PI4KB: variants seen among roughly 807,000 people sequenced by gnomAD.
PI4KB encodes phosphatidylinositol 4-kinase beta.
In PI4KB, 23 loss-of-function variants were observed where a neutral mutation model predicts 81.4. The ratio of observed to expected loss-of-function variants is 0.28; its 90% CI spans 0.20 to 0.40. The LOEUF (loss-of-function observed/expected upper bound fraction) is 0.40, where lower values mean the gene tolerates loss of function less well. Among genes scored for constraint, PI4KB ranks in the 10% least tolerant of loss-of-function variants. The pLI is 1.00. For synonymous variants in PI4KB, 381 were observed against 406.8 expected, an observed-to-expected ratio of 0.94 and a Z score of 0.76; for missense variants, 651 against 1,036.6, an observed-to-expected ratio of 0.63 and a Z score of 5.11.
intron 9 of PI4KB, 144 bp from the exon 10 acceptor site, chr1:151,294,685 G>T: frequency 1.5e-6 from 1 of 665,712 alleles, no homozygotes; most frequent in East Asian, 2.8e-5. Flanking sequence ...CCAATCTCCT[G>T]TCCAGTTTCC....
upstream of PI4KB, chr1:151,327,461 A>G: frequency 5.0e-6 from 2 of 397,210 alleles, no homozygotes; most frequent in Non-Finnish European, 8.9e-6. Context: ...TCAGGCTGCC[A>G]CAAGTTCGAC....
In PI4KB at chr1:151,326,388, ATGTGGAGATAAAGAG is replaced by A. The variant is rs1410736445; in HGVS notation, c.-29+868_-29+882del. 1.4e-5 allele frequency: 8 copies of A among 569,958 alleles called. No individual in the cohort carries two copies. In the African/African-American group the frequency reaches 1.5e-4, roughly 11 times the overall value. The allele number at this position is 569,958 out of a possible 1,614,324, so 35.3% of individuals were successfully genotyped here. ...TTTAGTTGATCCTGAAATAAGTGGTATGTGGAGATAAAGAGTGTAACAGAGAACACATGAAGCCCA... is the reference window on the plus strand; with the variant it reads ...TTTAGTTGATCCTGAAATAAGTGGTATGTAACAGAGAACACATGAAGCCCA... On this transcript the variant is annotated intron_variant, in intron 1 of 11. Coordinates refer to ENST00000368873, the MANE Select transcript of PI4KB (RefSeq NM_001369623.2).
chr1:151,310,339 C>A, intron 2 of PI4KB, 84 bp from the exon 3 acceptor site: 1 of 887,074 alleles, frequency 1.1e-6, no homozygotes, highest in Non-Finnish European at 1.8e-6. Context: ...TTAGCTCCAA[C>A]TTGGATCGTA....
At chr1:151,323,845 T>G (rs1392020181) in intron 1 of PI4KB, among the ~76,000 whole-genome samples, 1 of 152,200 alleles carries the variant, frequency 6.6e-6, no homozygotes, top group East Asian at 1.9e-4. Flanking sequence ...GGAGGTTAAC[T>G]CTGCGAGAAC....
chr1:151,327,616 G>C (rs1191272133), upstream of PI4KB: 1 of 381,570 alleles, frequency 2.6e-6, no homozygotes, highest in East Asian at 3.7e-5. Flanking sequence ...ACGCTTTCCT[G>C]CTTCCCCAGC....
intron 1 of PI4KB, among the ~76,000 whole-genome samples, chr1:151,320,420 G>A (rs1388823297): frequency 1.3e-5 from 2 of 152,138 alleles, no homozygotes; most frequent in African/African-American, 2.4e-5. Flanking sequence ...AAGACGGATG[G>A]GGAACTCTTC....
At chr1:151,319,102 T>G (rs954716761) in intron 1 of PI4KB, among the ~76,000 whole-genome samples, 5 of 152,228 alleles carry the variant, frequency 3.3e-5, no homozygotes. Context: ...TCCTTCTCAT[T>G]GTTGCTATGT....
chr1:151,316,410 A>G lies in PI4KB; in HGVS notation c.72T>C (p.Asn24=), dbSNP rs1212916267. Residue 24 remains asparagine (N), a synonymous_variant, in exon 2 of 12, where the codon AAT becomes AAC. Transcript: ENST00000368873. ...TSEPTSGPPG[N]NGGSLLSVIT... is the part of the protein sequence containing the mutation. ...TGACACTTAGCAGGGACCCCCCATT[A>G]TTCCCTGGTGGGCCAGAAGTGGGCT... The G allele has an allele frequency of 6.3e-7, 1 of 1,592,184 alleles. No individual in the cohort carries two copies. The highest frequency in any genetic ancestry group is 1.1e-5 in the South Asian group (1 of 86,964).
Position 151,315,844 on chromosome 1 carries a change from G to A in PI4KB, c.638C>T (p.Ala213Val). 6.2e-7 allele frequency: 1 copy of A among 1,613,996 alleles called. No homozygotes were observed. Among genetic ancestry groups the A allele is most frequent in the Non-Finnish European group, 8.5e-7 (1 of 1,179,942 alleles). Residue 213 changes from alanine to valine, a missense_variant, in exon 2 of 12, where the codon GCC becomes GTC. By Grantham distance (64) the Ala-to-Val change is moderately conservative (BLOSUM62 0). This residue lies in a region of PI4KB where 314 missense variants were observed against 397.8 expected (regional missense o/e 0.79). Coordinates refer to ENST00000368873, the MANE Select transcript of PI4KB (RefSeq NM_001369623.2). ...TGAAGAATAGGCCCCAAGCAACAGG[G>A]CACACTGGAGGGAAAAGTTAATGCT... Reference protein sequence around the residue: ...RQSINFSLQCALLLGAYSSDM... With the variant: ...RQSINFSLQCVLLLGAYSSDM...
At position 151,306,122 on chromosome 1, in the gene PI4KB, T is replaced by C. The variant is rs373432713; in HGVS notation, c.1410+14A>G. On this transcript the variant is annotated intron_variant, in intron 5 of 11. Coordinates refer to ENST00000368873, the MANE Select transcript of PI4KB (RefSeq NM_001369623.2). ...CTCCTGTGACCCAGCATTACCTCCCTGAAGCCCTCTCACCTCCACTTGCAG... is the reference window on the plus strand; with the variant it reads ...CTCCTGTGACCCAGCATTACCTCCCCGAAGCCCTCTCACCTCCACTTGCAG... 1.8e-4 allele frequency: 294 copies of C among 1,602,240 alleles called. 2 individuals carry two copies. The highest frequency in any genetic ancestry group is 1.3e-4 in the African/African-American group (10 of 74,714).
intron 11 of PI4KB, chr1:151,293,421 T>A: frequency 1.6e-6 from 2 of 1,270,034 alleles, no homozygotes; most frequent in African/African-American, 3.1e-5. Flanking sequence ...GCCACCGTCA[T>A]CATGGGGCCA....
chr1:151,320,184 C>T (rs1648640527), intron 1 of PI4KB, among the ~76,000 whole-genome samples: 2 of 152,320 alleles, frequency 1.3e-5, no homozygotes, highest in South Asian at 4.1e-4. Context: ...CAGATGCCCG[C>T]CACCACGCCC....
chr1:151,294,379 C>G (rs747881714), intron 10 of PI4KB, 30 bp downstream of exon 10: 1 of 1,609,216 alleles, frequency 6.2e-7, no homozygotes, highest in Admixed American at 1.7e-5. Context: ...TACAATGACC[C>G]CCGAGAGGCA....
At chr1:151,305,639 C>T (rs1017497878) in intron 5 of PI4KB, among the ~76,000 whole-genome samples, 1 of 152,180 alleles carries the variant, frequency 6.6e-6, no homozygotes, top group Non-Finnish European at 1.5e-5. Context: ...TATCCTTTCC[C>T]CCATGACTTG....
Position 151,322,276 on chromosome 1 carries a change from C to T in PI4KB, c.-29+4995G>A, listed in dbSNP as rs763906239. On this transcript the variant is annotated intron_variant, in intron 1 of 11. Coordinates refer to ENST00000368873, the MANE Select transcript of PI4KB (RefSeq NM_001369623.2). ...TGACAAGGAATTGTTACAGGTCACA[C>T]AGAGCAGCAGCTGGAGAAGACACAG... is the stretch of plus-strand genomic sequence containing the variant. 1.3e-5 allele frequency among the ~76,000 whole-genome samples: 2 copies of T among 152,194 alleles called. 1 individual carries two copies. The highest frequency in any genetic ancestry group is 4.1e-4 in the South Asian group (2 of 4,834).
Position 151,294,156 on chromosome 1 carries a change from C to G in PI4KB, c.2149-18G>C. 1 of 1,607,514 alleles carries G rather than the reference C, an allele frequency of 6.2e-7. No individual in the cohort carries two copies. Among genetic ancestry groups the G allele is most frequent in the Non-Finnish European group, 8.5e-7 (1 of 1,176,548 alleles). On this transcript the variant is annotated intron_variant, in intron 10 of 11. Transcript: ENST00000368873. ...CCCATCACCTGGAAAGGGAAGAGAG[C>G]GTTGTGTGCACAAGGGGTCTTACAC...
chr1:151,295,758 T>C (rs1002368848), intron 9 of PI4KB, among the ~76,000 whole-genome samples: 1 of 152,196 alleles, frequency 6.6e-6, no homozygotes, highest in Non-Finnish European at 1.5e-5. Flanking sequence ...CTATCCCTTC[T>C]TTTTTAGAGG....
At chr1:151,294,381 C>T (rs199798334) in intron 10 of PI4KB, 28 bp downstream of exon 10, 85 of 1,610,820 alleles carry the variant, frequency 5.3e-5, no homozygotes, top group African/African-American at 6.7e-5. Flanking sequence ...CAATGACCCC[C>T]GAGAGGCACC....
At chr1:151,293,273 A>C in intron 11 of PI4KB, 1 of 1,403,950 alleles carries the variant, frequency 7.1e-7, no homozygotes, top group South Asian at 1.4e-5. Context: ...GGGGACCAAC[A>C]CCACATCTCC....
Sources: gnomAD v4.1 joint callset for allele counts (sites outside exome capture counted in the v4.1 genomes callset) on GRCh38, gnomAD v4.1.1 for gene constraint, gnomAD v4.1.1 regional missense constraint, MANE v1.5 for transcripts, NCBI Gene and HGNC (gene_info 2026-07-23, HGNC 2026-07-21) for gene names.